The following PTPRT variants were observed in gnomAD, a reference collection of about 807,000 sequenced individuals.
The protein encoded by PTPRT is receptor-type tyrosine-protein phosphatase T.
In PTPRT, 56 loss-of-function variants were observed where a neutral mutation model predicts 176.8. The observed-to-expected ratio is 0.32, with a 90% CI of 0.26 to 0.40. The LOEUF (loss-of-function observed/expected upper bound fraction) is 0.40, where lower values mean the gene tolerates loss of function less well. PTPRT is among the 10% of genes least tolerant of loss of function. PTPRT has a pLI of 1.00. For missense variants in PTPRT, 1,540 were observed against 1,908.2 expected (o/e 0.81, Z 3.60); for synonymous variants, 783 against 739.0 (o/e 1.06, Z -0.96).
chr20:42,986,048 T>C (rs12106204), intron 1 of PTPRT, among the ~76,000 whole-genome samples: 3,786 of 152,304 alleles, frequency 0.025, 159 homozygotes, highest in African/African-American at 0.086. Flanking sequence ...TTACCGCGGA[T>C]CATTTCATTC....
At chr20:42,429,325 C>T (rs1031284995) in intron 9 of PTPRT, among the ~76,000 whole-genome samples, 2 of 152,014 alleles carry the variant, frequency 1.3e-5, no homozygotes, top group Non-Finnish European at 2.9e-5. Context: ...CCCTGTGAGC[C>T]GGTTGAGAGA....
the PTPRT span, among the ~76,000 whole-genome samples, chr20:42,048,531 G>A: frequency 1.3e-5 from 2 of 152,216 alleles, no homozygotes; most frequent in East Asian, 3.9e-4. Flanking sequence ...CGGCTGCCAC[G>A]TCGTGGGAGC....
intron 2 of PTPRT, among the ~76,000 whole-genome samples, chr20:42,804,003 G>T (rs554516794): frequency 6.6e-6 from 1 of 152,260 alleles, no homozygotes; most frequent in East Asian, 1.9e-4. Context: ...GCCCTGGTGT[G>T]CCAGGAGGTA....
intron 6 of PTPRT, among the ~76,000 whole-genome samples, chr20:42,698,279 G>C (rs961879021): frequency 5.9e-5 from 9 of 152,142 alleles, no homozygotes; most frequent in African/African-American, 1.7e-4. Flanking sequence ...AAAAGCTAAA[G>C]TAACCAGTTC....
In PTPRT at chr20:42,955,714, C is replaced by A. The variant is rs76348025; in HGVS notation, c.89-69782G>T. Reference sequence around the variant, plus strand: ...CTACCTGACTTTGATCCCCAGCCCACAAACCACAGTGCAGCCCAGGAACAG... The same window carrying A: ...CTACCTGACTTTGATCCCCAGCCCAAAAACCACAGTGCAGCCCAGGAACAG... On this transcript the variant is annotated intron_variant, in intron 1 of 30. Transcript: ENST00000373187. Among the ~76,000 whole-genome samples the A allele has an allele frequency of 4.4e-3, 666 of 152,138 alleles. 4 individuals carry two copies. Among genetic ancestry groups the A allele is most frequent in the African/African-American group, 0.015 (631 of 41,458 alleles).
intron 9 of PTPRT, among the ~76,000 whole-genome samples, chr20:42,362,515 TGAG>T (rs1395144101): frequency 6.6e-6 from 1 of 151,936 alleles, no homozygotes; most frequent in Non-Finnish European, 1.5e-5. Context: ...ACTGAAAGGC[TGAG>T]GAGATGTCCC....
intron 2 of PTPRT, among the ~76,000 whole-genome samples, chr20:42,854,893 G>A (rs754086973): frequency 1.3e-4 from 20 of 152,152 alleles, no homozygotes; most frequent in Middle Eastern, 3.2e-3. Flanking sequence ...TTAAGATCTC[G>A]AAATGAAAAC....
chr20:42,194,840 T>C (rs1991137824), intron 16 of PTPRT, among the ~76,000 whole-genome samples: 1 of 152,202 alleles, frequency 6.6e-6, no homozygotes, highest in Non-Finnish European at 1.5e-5. Flanking sequence ...CTGGAGGTCA[T>C]TGTTCCTATA....
chr20:42,281,280 G>A (rs949230192), intron 13 of PTPRT, among the ~76,000 whole-genome samples: 3 of 152,116 alleles, frequency 2.0e-5, no homozygotes, highest in African/African-American at 7.2e-5. Flanking sequence ...CCATCCAGGA[G>A]CCTGAGTTCC....
At chr20:42,324,375 T>C (rs1416380039) in intron 11 of PTPRT, among the ~76,000 whole-genome samples, 1 of 152,092 alleles carries the variant, frequency 6.6e-6, no homozygotes, top group African/African-American at 2.4e-5. Context: ...GAAGTGGAAA[T>C]AGGAATCAAT....
At chr20:42,640,017 T>C (rs997261200) in intron 7 of PTPRT, among the ~76,000 whole-genome samples, 5 of 152,094 alleles carry the variant, frequency 3.3e-5, no homozygotes, top group Non-Finnish European at 5.9e-5. Flanking sequence ...ATATCTCCTT[T>C]TGACAGCCAA....
At chr20:42,557,778 T>A (rs908610426) in intron 7 of PTPRT, among the ~76,000 whole-genome samples, 3 of 152,170 alleles carry the variant, frequency 2.0e-5, no homozygotes, top group African/African-American at 7.2e-5. Flanking sequence ...AATGTGTACC[T>A]CACCTTTGCT....
chr20:42,726,353 A>G (rs3092522), intron 6 of PTPRT, among the ~76,000 whole-genome samples: 3,107 of 152,240 alleles, frequency 0.02, 118 homozygotes, highest in African/African-American at 0.07. Flanking sequence ...TGCTGGGATT[A>G]CAGGTGTGAG....
chr20:42,987,150 C>T (rs1284201053), intron 1 of PTPRT, among the ~76,000 whole-genome samples: 4 of 152,116 alleles, frequency 2.6e-5, no homozygotes, highest in Non-Finnish European at 4.4e-5. Flanking sequence ...CACCCATCCT[C>T]GCCCCTGCAA....
At chr20:43,110,641 C>T (rs1317647719) in intron 1 of PTPRT, among the ~76,000 whole-genome samples, 1 of 152,022 alleles carries the variant, frequency 6.6e-6, no homozygotes. Flanking sequence ...AGATATATGC[C>T]CTTTTCTGTA....
intron 7 of PTPRT, among the ~76,000 whole-genome samples, chr20:42,546,259 C>T (rs1229861444): frequency 6.6e-6 from 1 of 151,734 alleles, no homozygotes; most frequent in African/African-American, 2.4e-5. Context: ...AAGATTTATA[C>T]ACAAAAAAGG....
chr20:43,016,545 A>C (rs1985379494), intron 1 of PTPRT, among the ~76,000 whole-genome samples: 1 of 130,908 alleles, frequency 7.6e-6, no homozygotes, highest in Non-Finnish European at 1.5e-5. Flanking sequence ...TAACTGCTCT[A>C]AGGCCACTTT....
the PTPRT span, among the ~76,000 whole-genome samples, chr20:42,062,819 T>A: frequency 6.6e-6 from 1 of 152,198 alleles, no homozygotes; most frequent in Non-Finnish European, 1.5e-5. Context: ...TAAAATCTCC[T>A]TGTCCTGCTT....
At chr20:42,107,572 A>T (rs1483560366) in intron 23 of PTPRT, among the ~76,000 whole-genome samples, 1 of 152,012 alleles carries the variant, frequency 6.6e-6, no homozygotes, top group Non-Finnish European at 1.5e-5. Context: ...ACTCAACGAG[A>T]CTCTATGGGC....
Sources: allele counts gnomAD v4.1 joint callset (sites outside exome capture counted in the v4.1 genomes callset), GRCh38; gene constraint gnomAD v4.1.1; transcripts MANE v1.5; gene names NCBI Gene and HGNC (gene_info 2026-07-23, HGNC 2026-07-21).